Variants in ADRA1B observed in about 807,000 individuals in gnomAD.
The protein encoded by ADRA1B is alpha-1B adrenergic receptor.
Under a neutral mutation model 17.9 loss-of-function variants are expected in ADRA1B, and 17 were observed. That is an observed-to-expected ratio of 0.95 (90% CI 0.65 to 1.42). The LOEUF is 1.42. Ranked by LOEUF, ADRA1B falls within the 40% of genes most tolerant of loss-of-function variation. The probability of loss-of-function intolerance (pLI) is 0.00; values close to 1 mark genes in which losing one functional copy is unlikely to be tolerated. For missense variants in ADRA1B, 681 were observed against 722.1 expected (o/e 0.94, Z 0.65); for synonymous variants, 366 against 327.6 (o/e 1.12, Z -1.27).
downstream of ADRA1B, among the ~76,000 whole-genome samples, chr5:159,973,472 A>T (rs1007819931): frequency 6.6e-6 from 1 of 152,096 alleles, no homozygotes; most frequent in African/African-American, 2.4e-5. Flanking sequence ...AGGCAGAGAG[A>T]GGGGCTGGTT....
At chr5:159,975,600 G>A (rs1755960616), downstream of ADRA1B, among the ~76,000 whole-genome samples, 1 of 152,254 alleles carries the variant, frequency 6.6e-6, no homozygotes, top group African/African-American at 2.4e-5. Context: ...CATTACTGGT[G>A]TTTGGAGGTC....
intron 1 of ADRA1B, among the ~76,000 whole-genome samples, chr5:159,893,703 G>A (rs1754010724): frequency 6.6e-6 from 1 of 152,200 alleles, no homozygotes; most frequent in South Asian, 2.1e-4. Context: ...AAGGAGCAGA[G>A]AACTGGGTGC....
intron 1 of ADRA1B, among the ~76,000 whole-genome samples, chr5:159,959,065 G>A (rs1178866899): frequency 6.6e-6 from 1 of 152,244 alleles, no homozygotes; most frequent in Non-Finnish European, 1.5e-5. Context: ...GCCCAGGCCT[G>A]TGCTAGAAGG....
upstream of ADRA1B, among the ~76,000 whole-genome samples, chr5:159,911,756 C>T (rs1281511797): frequency 6.6e-6 from 1 of 152,118 alleles, no homozygotes; most frequent in Non-Finnish European, 1.5e-5. Context: ...TTAGTGTACC[C>T]CACCCAGAAG....
intron 1 of ADRA1B, among the ~76,000 whole-genome samples, chr5:159,969,549 A>T (rs1008541621): frequency 7.9e-5 from 12 of 152,168 alleles, no homozygotes; most frequent in Non-Finnish European, 1.8e-4. Flanking sequence ...CCACCTGCAA[A>T]CTAGTTGGAC....
chr5:159,974,400 C>T (rs919600324), downstream of ADRA1B, among the ~76,000 whole-genome samples: 2 of 152,064 alleles, frequency 1.3e-5, no homozygotes, highest in Non-Finnish European at 2.9e-5. Context: ...TTTGGGAGGC[C>T]GAGACGGGTG....
At chr5:159,890,569 G>C (rs553698322) in intron 1 of ADRA1B, among the ~76,000 whole-genome samples, 47 of 152,264 alleles carry the variant, frequency 3.1e-4, no homozygotes, top group African/African-American at 1.0e-3. Context: ...TCACTTACAG[G>C]CTCATTCATT....
In ADRA1B at chr5:159,972,390, C is replaced by G. The variant is rs1755892960; in HGVS notation, c.1461C>G (p.Thr487=). The G allele has an allele frequency of 6.6e-7, 1 of 1,512,666 alleles. No individual in the cohort carries two copies. The highest frequency in any genetic ancestry group is 8.8e-7 in the Non-Finnish European group (1 of 1,136,464). The allele number at this position is 1,512,666 out of a possible 1,614,324, so 93.7% of individuals were successfully genotyped here. A position where few individuals can be genotyped will look rare whatever the true frequency, so the allele number is the denominator to read the frequency against. ...KLLTEPESPG[T]DGGASNGGCE... is the part of the protein sequence containing the mutation. ...TGACCGAGCCCGAGAGCCCCGGGAC[C>G]GACGGCGGCGCCAGCAACGGAGGCT... The change falls in exon 2 of 2, where the codon ACC becomes ACG. Residue 487 remains threonine, a synonymous_variant. Coordinates refer to ENST00000306675, the MANE Select transcript of ADRA1B (RefSeq NM_000679.4).
chr5:159,894,189 A>G (rs1227236004), intron 1 of ADRA1B, among the ~76,000 whole-genome samples: 2 of 152,224 alleles, frequency 1.3e-5, no homozygotes, highest in African/African-American at 2.4e-5. Context: ...CTAAGTGCCT[A>G]CTATGTGCCA....
intron 1 of ADRA1B, among the ~76,000 whole-genome samples, chr5:159,940,967 A>T (rs1369301669): frequency 6.6e-6 from 1 of 152,240 alleles, no homozygotes; most frequent in African/African-American, 2.4e-5. Flanking sequence ...GATTTAACGC[A>T]TCACAATCTC....
intron 1 of ADRA1B, among the ~76,000 whole-genome samples, chr5:159,932,792 A>G (rs1233512754): frequency 6.6e-6 from 1 of 152,230 alleles, no homozygotes; most frequent in African/African-American, 2.4e-5. Context: ...TGGACAATGT[A>G]TCTTGAAGGT....
At chr5:159,945,453 C>T (rs1172943801) in intron 1 of ADRA1B, among the ~76,000 whole-genome samples, 1 of 152,152 alleles carries the variant, frequency 6.6e-6, no homozygotes, top group South Asian at 2.1e-4. Context: ...GCCAGCCCTG[C>T]AGGAATCTGG....
chr5:159,871,755 A>G (rs1753744358), intron 1 of ADRA1B, among the ~76,000 whole-genome samples: 1 of 152,206 alleles, frequency 6.6e-6, no homozygotes. Flanking sequence ...ATTCAACCCA[A>G]TACAAAGTCT....
At chr5:159,959,770 G>A (rs1755629981) in intron 1 of ADRA1B, among the ~76,000 whole-genome samples, 1 of 149,714 alleles carries the variant, frequency 6.7e-6, no homozygotes, top group African/African-American at 2.5e-5. Flanking sequence ...ATTTGTAGAA[G>A]CAAAATAATA....
At chr5:159,951,607 C>T (rs1366582343) in intron 1 of ADRA1B, 6 of 412,956 alleles carry the variant, frequency 1.5e-5, no homozygotes, top group African/African-American at 6.1e-5. Flanking sequence ...GATGGATAGA[C>T]GAGACCACTG....
At chr5:159,940,149 T>C (rs1208968315) in intron 1 of ADRA1B, among the ~76,000 whole-genome samples, 3 of 152,208 alleles carry the variant, frequency 2.0e-5, no homozygotes, top group African/African-American at 7.2e-5. Context: ...AGCTGAAATA[T>C]AGTTGAATTC....
At chr5:159,874,035 C>G (rs574443120) in intron 1 of ADRA1B, among the ~76,000 whole-genome samples, 2 of 152,170 alleles carry the variant, frequency 1.3e-5, no homozygotes, top group Non-Finnish European at 2.9e-5. Context: ...CATACTGGAA[C>G]AGAAACACAA....
In ADRA1B at chr5:159,901,231, A is replaced by G. The variant is rs375906172; in HGVS notation, c.-255-14888A>G. Among the ~76,000 whole-genome samples the G allele has an allele frequency of 2.0e-5, 3 of 151,536 alleles. No individual in the cohort carries two copies. In the East Asian group the frequency reaches 5.8e-4, roughly 30 times the overall value. ...CTCTTGAAGAACCCAGAGAAATCTC[A>G]TTTTCCTCCCTCCTGCCTTCCTCAG... On this transcript the variant is annotated intron_variant, in intron 1 of 2. Transcript: ENST00000641205.
At chr5:159,984,332 G>T in the ADRA1B span, among the ~76,000 whole-genome samples, 27 of 152,142 alleles carry the variant, frequency 1.8e-4, no homozygotes, top group African/African-American at 6.3e-4. Flanking sequence ...CACAATGGCT[G>T]CTCCCCCATC....
Sources: allele counts gnomAD v4.1 joint callset (sites outside exome capture counted in the v4.1 genomes callset), GRCh38; gene constraint gnomAD v4.1.1; transcripts MANE v1.5; gene names NCBI Gene and HGNC (gene_info 2026-07-23, HGNC 2026-07-21).